Variants in PCDHA5 observed in about 807,000 individuals in gnomAD.
PCDHA5 encodes the protein protocadherin alpha 5, also known as protocadherin alpha-5.
PCDHA5 carries 43 observed loss-of-function variants against 61.6 expected under a neutral mutation model. That is an observed-to-expected ratio of 0.70 (90% CI 0.55 to 0.90). The LOEUF (loss-of-function observed/expected upper bound fraction) is 0.90, where lower values mean the gene tolerates loss of function less well. Ranked by LOEUF, PCDHA5 falls within the 40% of genes least tolerant of loss-of-function variation. PCDHA5 has a pLI of 0.00. For synonymous variants in PCDHA5, 627 were observed against 543.9 expected (o/e 1.15, Z -2.13); for missense variants, 1,298 against 1,222.7 (o/e 1.06, Z -0.92).
chr5:140,929,064 T>A (rs550251743), intron 1 of PCDHA5: 1 of 1,614,162 alleles, frequency 6.2e-7, no homozygotes, highest in South Asian at 1.1e-5. Context: ...CTACAGAGGA[T>A]CTGAGGTATG....
At chr5:140,882,062 T>G (rs78484684) in intron 1 of PCDHA5, 9 of 812,456 alleles carry the variant, frequency 1.1e-5, no homozygotes, top group Non-Finnish European at 1.5e-5. Flanking sequence ...CACTTACACG[T>G]TCATGCGCAT....
intron 1 of PCDHA5, among the ~76,000 whole-genome samples, chr5:140,891,735 A>G (rs1200695234): frequency 2.6e-5 from 4 of 152,172 alleles, no homozygotes; most frequent in African/African-American, 9.7e-5. Context: ...TGAAAATTCA[A>G]TCCCTTATAC....
chr5:140,979,619 G>A (rs1344525241), intron 2 of PCDHA5, among the ~76,000 whole-genome samples: 1 of 152,164 alleles, frequency 6.6e-6, no homozygotes, highest in African/African-American at 2.4e-5. Context: ...AACGGTATTA[G>A]TCTAAGACTC....
In PCDHA5 at chr5:140,829,168, A is replaced by G. The variant is rs113613407; in HGVS notation, c.2352+5041A>G. On this transcript the variant is annotated intron_variant, in intron 1 of 3. Coordinates refer to ENST00000529859, the MANE Select transcript of PCDHA5 (RefSeq NM_018908.3). ...CACTGACTTCCTTATCCTTGCCTGTACGTGAAGACGCTCAATTTGGTACTG... is the reference window on the plus strand; with the variant it reads ...CACTGACTTCCTTATCCTTGCCTGTGCGTGAAGACGCTCAATTTGGTACTG... The G allele has an allele frequency of 3.0e-3, 4,904 of 1,614,084 alleles. 121 individuals carry two copies. The African/African-American group carries it at 0.055, about 18-fold the overall frequency.
intron 1 of PCDHA5, among the ~76,000 whole-genome samples, chr5:140,952,040 G>T (rs1243206064): frequency 1.3e-5 from 2 of 152,216 alleles, no homozygotes; most frequent in African/African-American, 4.8e-5. Context: ...CAGTAGGGCA[G>T]TTATTAAATC....
chr5:140,870,955 C>T, intron 1 of PCDHA5: 1 of 1,613,632 alleles, frequency 6.2e-7, no homozygotes, highest in Non-Finnish European at 8.5e-7. Context: ...GGGCGGCTCG[C>T]GCATCCCGTT....
chr5:140,842,286 C>T lies in PCDHA5; in HGVS notation c.2352+18159C>T, dbSNP rs1554138940. 21 of 1,610,290 alleles carry T rather than the reference C, an allele frequency of 1.3e-5. 1 individual carries two copies. The highest frequency in any genetic ancestry group is 1.5e-5 in the Non-Finnish European group (18 of 1,176,908). On this transcript the variant is annotated intron_variant, in intron 1 of 3. Transcript: ENST00000529859. ...AACTTATACAAAATCCTCATTGACG[C>T]CACGGACAAAGGCCATCCTCCCATG...
chr5:140,882,856 G>A (rs1352769264), intron 1 of PCDHA5: 1 of 1,614,098 alleles, frequency 6.2e-7, no homozygotes, highest in African/African-American at 1.3e-5. Context: ...CACTTGTACT[G>A]AGGAAAACAC....
intron 3 of PCDHA5, among the ~76,000 whole-genome samples, chr5:141,000,216 T>C (rs665221): frequency 1.3e-5 from 2 of 151,640 alleles, no homozygotes; most frequent in East Asian, 1.9e-4. Flanking sequence ...CATTATCAAA[T>C]GCCTGTGTGG....
chr5:140,882,032 T>C (rs2058914811), intron 1 of PCDHA5: 2 of 623,536 alleles, frequency 3.2e-6, no homozygotes, highest in Non-Finnish European at 5.1e-6. Flanking sequence ...ATGGAAAATA[T>C]GAAGACTGAG....
intron 1 of PCDHA5, chr5:140,869,313 A>T: frequency 6.2e-7 from 1 of 1,613,736 alleles, no homozygotes. Context: ...CGTCCAAAAC[A>T]CATGGGGACC....
rs2150392159 is a variant in PCDHA5, at chr5:140,846,538, C to T, written c.2352+22411C>T. ...TACAGGTGCATGCCACCATGCCCTG[C>T]TAATTTTTTGTATTTTTAGTAGAGT... On this transcript the variant is annotated intron_variant, in intron 1 of 3. Transcript: ENST00000529859. Among the ~76,000 whole-genome samples the T allele has an allele frequency of 2.0e-4, 30 of 148,498 alleles. 2 individuals are homozygous for T. The highest frequency in any genetic ancestry group is 4.1e-4 in the Admixed American group (6 of 14,814).
intron 1 of PCDHA5, chr5:140,968,073 A>G: frequency 6.2e-7 from 1 of 1,614,142 alleles, no homozygotes; most frequent in African/African-American, 1.3e-5. Flanking sequence ...GCTGTCTACA[A>G]CATCACGGTG....
intron 1 of PCDHA5, among the ~76,000 whole-genome samples, chr5:140,974,516 T>G (rs533322332): frequency 2.0e-5 from 3 of 152,328 alleles, no homozygotes; most frequent in African/African-American, 7.2e-5. Context: ...TTTTATTTTA[T>G]TTTAGTTTTT....
At chr5:140,884,794 A>G in intron 1 of PCDHA5, 1 of 1,280,100 alleles carries the variant, frequency 7.8e-7, no homozygotes, top group East Asian at 2.6e-5. Flanking sequence ...TTGTTATCGA[A>G]TTTAACAACT....
At chr5:140,855,706 TCAA>T (rs1176313933) in intron 1 of PCDHA5, among the ~76,000 whole-genome samples, 1 of 149,608 alleles carries the variant, frequency 6.7e-6, no homozygotes, top group African/African-American at 2.5e-5. Context: ...GCACGTGGGA[TCAA>T]CATTTATTGT....
chr5:140,921,705 G>C (rs2080339656), intron 1 of PCDHA5, among the ~76,000 whole-genome samples: 1 of 152,042 alleles, frequency 6.6e-6, no homozygotes, highest in Non-Finnish European at 1.5e-5. Context: ...ATTTTAAACA[G>C]TAAACACACG....
At chr5:140,871,475 G>A in intron 1 of PCDHA5, 1 of 1,598,972 alleles carries the variant, frequency 6.3e-7, no homozygotes, top group Non-Finnish European at 8.5e-7. Context: ...CAGGAGCCAG[G>A]GTCAAATCAC....
At position 140,850,257 on chromosome 5, in the gene PCDHA5, G is replaced by A. The variant is rs1371110095; in HGVS notation, c.2352+26130G>A. ...GATGGTGCTGCGGTCGGTGGGCGCC[G>A]GCGTAGTGGTGGGGAAGGTGCGCGC... On this transcript the variant is annotated intron_variant, in intron 1 of 3. Coordinates refer to ENST00000529859, the MANE Select transcript of PCDHA5 (RefSeq NM_018908.3). The A allele has an allele frequency of 6.3e-6, 10 of 1,594,146 alleles. 2 individuals are homozygous for A. Among genetic ancestry groups the A allele is most frequent in the African/African-American group, 1.3e-5 (1 of 74,268 alleles).
Sources: allele counts gnomAD v4.1 joint callset (sites outside exome capture counted in the v4.1 genomes callset), GRCh38; gene constraint gnomAD v4.1.1; transcripts MANE v1.5; gene names NCBI Gene and HGNC (gene_info 2026-07-23, HGNC 2026-07-21).